The following ADAM10 variants were observed in gnomAD, a reference collection of about 807,000 sequenced individuals.
ADAM10 encodes disintegrin and metalloproteinase domain-containing protein 10.
Under a neutral mutation model 90.1 loss-of-function variants are expected in ADAM10, and 17 were observed. The observed-to-expected ratio is 0.19, with a 90% CI of 0.13 to 0.28. The LOEUF (loss-of-function observed/expected upper bound fraction) is 0.28. Ranked by LOEUF, ADAM10 falls within the 10% of genes least tolerant of loss-of-function variation. The pLI, the probability that ADAM10 is intolerant of heterozygous loss-of-function variation, is 1.00. For synonymous variants in ADAM10, 310 were observed against 298.6 expected (o/e 1.04, Z -0.40); for missense variants, 610 against 914.3 (o/e 0.67, Z 4.29).
chr15:58,692,917 G>C (rs763351272), intron 2 of ADAM10: 4 of 702,146 alleles, frequency 5.7e-6, no homozygotes, highest in Admixed American at 5.3e-5. Flanking sequence ...ATCAGCCTTG[G>C]TCATGCCAAT....
chr15:58,691,547 G>A (rs1178829802), intron 2 of ADAM10: 2 of 538,912 alleles, frequency 3.7e-6, no homozygotes, highest in South Asian at 1.5e-5. Context: ...GTTCAGACAG[G>A]TGTCGCCAGT....
At chr15:58,614,202 T>C (rs529569415) in intron 11 of ADAM10, among the ~76,000 whole-genome samples, 1 of 152,066 alleles carries the variant, frequency 6.6e-6, no homozygotes, top group African/African-American at 2.4e-5. Flanking sequence ...CAAGAATCAC[T>C]TGAACTTGGA....
chr15:58,620,193 C>T (rs187437050), intron 11 of ADAM10, among the ~76,000 whole-genome samples: 10 of 152,150 alleles, frequency 6.6e-5, no homozygotes, highest in African/African-American at 1.4e-4. Flanking sequence ...TGGCCGGGTG[C>T]GGTGGCTCAT....
Position 58,597,275 on chromosome 15 carries a change from C to T in ADAM10, c.*272G>A. 3.6e-6 allele frequency: 4 copies of T among 1,122,700 alleles called. No individual in the cohort carries two copies. The African/African-American group carries it at 4.7e-5, about 13-fold the overall frequency. 69.5% of individuals were successfully genotyped at this position (1,122,700 alleles called of 1,614,324 possible). A position where few individuals can be genotyped will look rare whatever the true frequency, so the allele number is the denominator to read the frequency against. ...AACGAAGAACAGGGAACACGGGGCA[C>T]ATAATAATATTCTAAGACTTTGTGC... On this transcript the variant is annotated 3_prime_UTR_variant, in exon 16 of 16. Transcript: ENST00000260408.
intron 2 of ADAM10, among the ~76,000 whole-genome samples, chr15:58,690,676 G>A (rs1450221945): frequency 9.2e-5 from 14 of 151,854 alleles, no homozygotes; most frequent in African/African-American, 3.4e-4. Flanking sequence ...ACCACTCAAA[G>A]CTGCAGTGGG....
At chr15:58,625,419 T>C (rs1417236604) in intron 10 of ADAM10, among the ~76,000 whole-genome samples, 1 of 152,188 alleles carries the variant, frequency 6.6e-6, no homozygotes, top group Non-Finnish European at 1.5e-5. Context: ...TTCAGCATCA[T>C]TAGCCACCAG....
At chr15:58,661,119 C>G (rs1267142786) in intron 5 of ADAM10, among the ~76,000 whole-genome samples, 1 of 152,208 alleles carries the variant, frequency 6.6e-6, no homozygotes, top group Admixed American at 6.5e-5. Flanking sequence ...GCACTACTGT[C>G]ATAAATTTTG....
At chr15:58,714,530 G>A (rs1427536004) in intron 2 of ADAM10, among the ~76,000 whole-genome samples, 1 of 151,786 alleles carries the variant, frequency 6.6e-6, no homozygotes, top group Non-Finnish European at 1.5e-5. Context: ...TTTTTTAAAG[G>A]GTGAAATACA....
At chr15:58,702,963 C>T (rs575194022) in intron 2 of ADAM10, among the ~76,000 whole-genome samples, 43 of 152,210 alleles carry the variant, frequency 2.8e-4, no homozygotes, top group Admixed American at 1.8e-3. Context: ...GTTAACCAAG[C>T]GACTGGATTA....
chr15:58,692,908 T>C, intron 2 of ADAM10: 1 of 695,636 alleles, frequency 1.4e-6, no homozygotes, highest in East Asian at 3.3e-5. Context: ...ATTTATGAGA[T>C]CAGCCTTGGT....
At chr15:58,598,811 G>C (rs1007139718) in intron 15 of ADAM10, among the ~76,000 whole-genome samples, 5 of 152,142 alleles carry the variant, frequency 3.3e-5, no homozygotes, top group African/African-American at 9.7e-5. Context: ...ATCTAAAGAG[G>C]GTTCTTCCTC....
rs568504386 is a variant in ADAM10 at position 58,656,673 on chromosome 15, C to T, written c.585+8424G>A. ...CATGCCTTATTGTAGTGTCTATATC[C>T]TGAAGAGTTATTTTTTATCAGTTCA... On this transcript the variant is annotated intron_variant, in intron 5 of 15. Coordinates refer to ENST00000260408, the MANE Select transcript of ADAM10 (RefSeq NM_001110.4). Among the ~76,000 whole-genome samples, 4 of 151,974 alleles carry T rather than the reference C, an allele frequency of 2.6e-5. No homozygotes were observed. The South Asian group carries it at 6.2e-4, about 24-fold the overall frequency.
intron 2 of ADAM10, chr15:58,698,445 G>T (rs775227441): frequency 6.4e-6 from 2 of 311,258 alleles, no homozygotes; most frequent in South Asian, 5.1e-5. Context: ...GCATATTGGC[G>T]TGAACCTGTA....
At chr15:58,691,287 G>T (rs750668774) in intron 2 of ADAM10, 1 of 1,249,326 alleles carries the variant, frequency 8.0e-7, no homozygotes, top group South Asian at 1.2e-5. Context: ...ACCCTCCTTG[G>T]TAACTGACAG....
At chr15:58,677,111 T>C (rs1317265188) in intron 4 of ADAM10, among the ~76,000 whole-genome samples, 1 of 152,206 alleles carries the variant, frequency 6.6e-6, no homozygotes, top group African/African-American at 2.4e-5. Context: ...TCACAAGTAA[T>C]TGTCTAAATT....
intron 1 of ADAM10, among the ~76,000 whole-genome samples, chr15:58,739,527 A>G (rs975621194): frequency 2.9e-4 from 44 of 151,930 alleles, no homozygotes; most frequent in African/African-American, 1.0e-3. Flanking sequence ...AAAAAAATAA[A>G]TAAATAAATA....
At chr15:58,676,733 C>T (rs1313656313) in intron 4 of ADAM10, among the ~76,000 whole-genome samples, 1 of 152,076 alleles carries the variant, frequency 6.6e-6, no homozygotes, top group Non-Finnish European at 1.5e-5. Flanking sequence ...AGGAGGTTCA[C>T]TTGAGCCCAG....
intron 11 of ADAM10, among the ~76,000 whole-genome samples, chr15:58,614,096 G>A (rs1230570364): frequency 6.6e-6 from 1 of 152,082 alleles, no homozygotes; most frequent in Non-Finnish European, 1.5e-5. Flanking sequence ...TCACTTGTCA[G>A]GAGCTTGAAA....
At chr15:58,677,659 G>C (rs1487629208) in intron 4 of ADAM10, among the ~76,000 whole-genome samples, 1 of 152,152 alleles carries the variant, frequency 6.6e-6, no homozygotes. Context: ...CAAGTAGAAA[G>C]CAATGGAGAA....
Sources: gnomAD v4.1 joint callset for allele counts (sites outside exome capture counted in the v4.1 genomes callset) on GRCh38, gnomAD v4.1.1 for gene constraint, MANE v1.5 for transcripts, NCBI Gene and HGNC (gene_info 2026-07-23, HGNC 2026-07-21) for gene names.